Variants in LRMDA observed in about 807,000 individuals in gnomAD.
LRMDA encodes leucine rich melanocyte differentiation associated.
A neutral mutation model predicts 29.8 loss-of-function variants in LRMDA; 18 were observed. The ratio of observed to expected loss-of-function variants is 0.60; its 90% CI spans 0.42 to 0.90. The LOEUF (loss-of-function observed/expected upper bound fraction) is 0.90. Ranked by LOEUF, LRMDA falls within the 40% of genes least tolerant of loss-of-function variation. LRMDA has a pLI of 0.00. For synonymous variants in LRMDA, 125 were observed against 109.4 expected, an observed-to-expected ratio of 1.14 and a Z score of -0.89; for missense variants, 273 against 273.9, an observed-to-expected ratio of 1.00 and a Z score of 0.02.
At chr10:76,347,465 A>T (rs1463384310) in intron 6 of LRMDA, among the ~76,000 whole-genome samples, 7 of 152,196 alleles carry the variant, frequency 4.6e-5, no homozygotes, top group Admixed American at 4.6e-4. Context: ...GTAAACTTCA[A>T]CAACCACCTG....
intron 2 of LRMDA, among the ~76,000 whole-genome samples, chr10:75,463,140 G>T (rs1183176449): frequency 6.6e-6 from 1 of 152,210 alleles, no homozygotes; most frequent in Non-Finnish European, 1.5e-5. Context: ...GCCCGAGCTG[G>T]AGAGCTTGGA....
chr10:75,668,355 G>T (rs2132140788), intron 2 of LRMDA, among the ~76,000 whole-genome samples: 1 of 152,302 alleles, frequency 6.6e-6, no homozygotes, highest in South Asian at 2.1e-4. Context: ...TGTTGAGGAT[G>T]CTCAGGCCTG....
chr10:76,054,174 CTA>C (rs1246437181), intron 4 of LRMDA, among the ~76,000 whole-genome samples: 1 of 152,176 alleles, frequency 6.6e-6, no homozygotes, highest in Non-Finnish European at 1.5e-5. Context: ...GAAGACATCT[CTA>C]TGGAGGAACT....
intron 6 of LRMDA, among the ~76,000 whole-genome samples, chr10:76,390,441 A>G (rs899435109): frequency 6.6e-6 from 1 of 152,022 alleles, no homozygotes; most frequent in African/African-American, 2.4e-5. Context: ...CAACTAATGA[A>G]ATTGTATGGG....
At chr10:76,055,775 C>A (rs922195868) in intron 4 of LRMDA, among the ~76,000 whole-genome samples, 3 of 152,254 alleles carry the variant, frequency 2.0e-5, no homozygotes, top group Admixed American at 6.5e-5. Context: ...CCACAACCAG[C>A]TTCCACTGCA....
intron 2 of LRMDA, among the ~76,000 whole-genome samples, chr10:75,796,447 T>G (rs1198126333): frequency 6.6e-6 from 1 of 152,240 alleles, no homozygotes; most frequent in Non-Finnish European, 1.5e-5. Context: ...CTTTGTTCTG[T>G]TATTAATAAT....
intron 5 of LRMDA, among the ~76,000 whole-genome samples, chr10:76,077,957 G>C (rs1384587176): frequency 9.2e-6 from 1 of 108,514 alleles, no homozygotes; most frequent in Admixed American, 1.1e-4. Flanking sequence ...TATTCAACTT[G>C]TATTCTCATT....
intron 2 of LRMDA, among the ~76,000 whole-genome samples, chr10:75,947,083 G>A (rs1205969781): frequency 2.0e-5 from 3 of 152,128 alleles, no homozygotes; most frequent in South Asian, 2.1e-4. Flanking sequence ...TTGCTTTGGC[G>A]TGAAATTGTC....
intron 5 of LRMDA, among the ~76,000 whole-genome samples, chr10:76,269,103 G>A (rs1001762595): frequency 6.6e-6 from 1 of 151,888 alleles, no homozygotes; most frequent in African/African-American, 2.4e-5. Context: ...TGCTGCTCCC[G>A]GGGTCGTAGT....
intron 5 of LRMDA, among the ~76,000 whole-genome samples, chr10:76,172,825 A>G (rs567981132): frequency 6.8e-4 from 103 of 152,362 alleles, no homozygotes; most frequent in Non-Finnish European, 1.2e-3. Flanking sequence ...GTTTACAAAC[A>G]CTTTTCTTTG....
At chr10:75,777,839 C>G (rs1318092808) in intron 2 of LRMDA, among the ~76,000 whole-genome samples, 1 of 152,032 alleles carries the variant, frequency 6.6e-6, no homozygotes, top group African/African-American at 2.4e-5. Context: ...GTGTCCAGCA[C>G]AAAGCAGGTG....
chr10:76,427,772 A>C (rs1421623039), intron 6 of LRMDA, among the ~76,000 whole-genome samples: 9 of 152,126 alleles, frequency 5.9e-5, no homozygotes, highest in Admixed American at 1.3e-4. Flanking sequence ...TTTTGAGATA[A>C]GTCCCATCAA....
At chr10:76,542,296 C>A (rs1461451345) in intron 6 of LRMDA, among the ~76,000 whole-genome samples, 1 of 152,058 alleles carries the variant, frequency 6.6e-6, no homozygotes, top group Non-Finnish European at 1.5e-5. Flanking sequence ...GTTGAAAGAT[C>A]ATTTTGTCTT....
chr10:75,699,131 G>C lies in LRMDA; in HGVS notation c.131+260637G>C, dbSNP rs547941313. Among the ~76,000 whole-genome samples, 453 of 151,502 alleles carry C rather than the reference G, an allele frequency of 3.0e-3. 2 individuals carry two copies. Among genetic ancestry groups the C allele is most frequent in the Non-Finnish European group, 5.4e-3 (365 of 67,940 alleles). On this transcript the variant is annotated intron_variant, in intron 2 of 6. Coordinates refer to ENST00000611255, the MANE Select transcript of LRMDA (RefSeq NM_001305581.2). ...TAGGAGAATCACTTGAACCTGAGAG[G>C]CAGAGGTTGCAATGAGCCAATATCA...
chr10:75,628,312 T>C (rs891495979), intron 2 of LRMDA, among the ~76,000 whole-genome samples: 3 of 152,226 alleles, frequency 2.0e-5, no homozygotes, highest in Admixed American at 6.5e-5. Context: ...CAACACAACC[T>C]GATGGACACT....
chr10:76,518,703 T>C (rs1256487341), intron 6 of LRMDA, among the ~76,000 whole-genome samples: 1 of 152,112 alleles, frequency 6.6e-6, no homozygotes, highest in Non-Finnish European at 1.5e-5. Flanking sequence ...AAAGCAACTA[T>C]TTATGTAAGA....
At chr10:76,412,321 C>T (rs539383119) in intron 6 of LRMDA, among the ~76,000 whole-genome samples, 3 of 152,286 alleles carry the variant, frequency 2.0e-5, no homozygotes, top group African/African-American at 7.2e-5. Flanking sequence ...AGGGAGGGCT[C>T]TGCCTCCCCA....
chr10:75,858,385 T>A (rs1410587681), intron 2 of LRMDA, among the ~76,000 whole-genome samples: 1 of 152,184 alleles, frequency 6.6e-6, no homozygotes, highest in Non-Finnish European at 1.5e-5. Context: ...CATCTTCTCT[T>A]CTTCCCCCTC....
intron 2 of LRMDA, among the ~76,000 whole-genome samples, chr10:75,503,969 C>G (rs1231131285): frequency 6.6e-6 from 1 of 151,504 alleles, no homozygotes; most frequent in African/African-American, 2.4e-5. Context: ...ATATCAGGGC[C>G]ATCCATTCAT....
Sources: gnomAD v4.1 joint callset for allele counts (sites outside exome capture counted in the v4.1 genomes callset) on GRCh38, gnomAD v4.1.1 for gene constraint, MANE v1.5 for transcripts, NCBI Gene and HGNC (gene_info 2026-07-23, HGNC 2026-07-21) for gene names.